Variants in SYNE2 observed in about 807,000 individuals in gnomAD.
SYNE2 encodes the protein nesprin-2.
SYNE2 carries 431 observed loss-of-function variants against 856.3 expected under a neutral mutation model. The ratio of observed to expected loss-of-function variants is 0.50; its 90% CI spans 0.47 to 0.55. The LOEUF (loss-of-function observed/expected upper bound fraction) is 0.55, where lower values mean the gene tolerates loss of function less well. Ranked by LOEUF, SYNE2 falls within the 20% of genes least tolerant of loss-of-function variation. The pLI, the probability that SYNE2 is intolerant of heterozygous loss-of-function variation, is 0.00. For synonymous variants in SYNE2, 2,923 were observed against 2,872.3 expected, an observed-to-expected ratio of 1.02 and a Z score of -0.56; for missense variants, 8,129 against 8,023.2, an observed-to-expected ratio of 1.01 and a Z score of -0.50.
At chr14:64,041,265 G>A (rs529739262) in intron 45 of SYNE2, among the ~76,000 whole-genome samples, 2 of 152,106 alleles carry the variant, frequency 1.3e-5, no homozygotes, top group East Asian at 3.9e-4. Flanking sequence ...GTGATCTTGG[G>A]GCATAGAAGA....
At chr14:63,915,157 A>G (rs2095519543) in intron 2 of SYNE2, among the ~76,000 whole-genome samples, 1 of 152,236 alleles carries the variant, frequency 6.6e-6, no homozygotes, top group African/African-American at 2.4e-5. Flanking sequence ...TGTGCTTAAA[A>G]TAAATTTTTA....
chr14:64,020,210 G>A (rs1282724699), intron 35 of SYNE2, 117 bp downstream of exon 35: 10 of 735,756 alleles, frequency 1.4e-5, no homozygotes, highest in Admixed American at 2.5e-5. Flanking sequence ...AGAAAAAAAC[G>A]GCCCAATTAA....
chr14:64,048,256 TCTTATTTAAC>T, intron 46 of SYNE2, 101 bp downstream of exon 46: 2 of 1,164,202 alleles, frequency 1.7e-6, no homozygotes. Context: ...GAGTGAAAAG[TCTTATTTAAC>T]CTTTGCCTGA....
At chr14:63,827,625 C>CAAAAAA (rs11334415) in intron 1 of SYNE2, among the ~76,000 whole-genome samples, 62 of 28,362 alleles carry the variant, frequency 2.2e-3, no homozygotes, top group East Asian at 4.1e-3. Context: ...AACTCTGTCT[C>CAAAAAA]AAAAAAAAAA....
intron 1 of SYNE2, among the ~76,000 whole-genome samples, chr14:63,803,342 G>A (rs999441641): frequency 8.5e-5 from 13 of 152,208 alleles, no homozygotes; most frequent in Admixed American, 2.0e-4. Flanking sequence ...AGGCTCGGGC[G>A]GCACAGGAGC....
At chr14:63,876,615 G>A (rs1401272716) in intron 1 of SYNE2, among the ~76,000 whole-genome samples, 1 of 151,938 alleles carries the variant, frequency 6.6e-6, no homozygotes, top group Non-Finnish European at 1.5e-5. Flanking sequence ...AGGCTCCCGA[G>A]TAGCTGGGAC....
At chr14:64,220,184 G>A (rs542434459) in intron 110 of SYNE2, among the ~76,000 whole-genome samples, 24 of 152,244 alleles carry the variant, frequency 1.6e-4, no homozygotes, top group East Asian at 1.9e-4. Flanking sequence ...GTTGCAGAGC[G>A]GGGCCTGTAG....
intron 1 of SYNE2, among the ~76,000 whole-genome samples, chr14:63,893,665 A>G (rs2095187755): frequency 6.6e-6 from 1 of 152,244 alleles, no homozygotes. Flanking sequence ...TATATGGCAT[A>G]CACTATGCTA....
At chr14:63,815,680 T>C (rs955919853) in intron 1 of SYNE2, among the ~76,000 whole-genome samples, 1 of 152,098 alleles carries the variant, frequency 6.6e-6, no homozygotes, top group African/African-American at 2.4e-5. Context: ...TGCAAGTTTA[T>C]ATCAAGTGGA....
intron 1 of SYNE2, among the ~76,000 whole-genome samples, chr14:63,764,001 G>A (rs1886585099): frequency 6.6e-6 from 1 of 152,038 alleles, no homozygotes; most frequent in Non-Finnish European, 1.5e-5. Flanking sequence ...ATTTACAACT[G>A]AGTTCTAAAC....
At chr14:64,033,343 A>G (rs776025279) in intron 45 of SYNE2, among the ~76,000 whole-genome samples, 1 of 152,196 alleles carries the variant, frequency 6.6e-6, no homozygotes, top group Admixed American at 6.5e-5. Context: ...AAAACTCAAT[A>G]GAGTATGTTG....
chr14:64,026,086 C>G (rs932401627), intron 41 of SYNE2, among the ~76,000 whole-genome samples: 4 of 152,060 alleles, frequency 2.6e-5, no homozygotes, highest in Non-Finnish European at 4.4e-5. Flanking sequence ...GTTGGTGAGA[C>G]TTAGTAAATA....
At position 64,188,351 on chromosome 14, in the gene SYNE2, T is replaced by C. The variant is rs77009012; in HGVS notation, c.17713-199T>C. Among the ~76,000 whole-genome samples, 729 of 152,352 alleles carry C rather than the reference T, an allele frequency of 4.8e-3. 3 individuals carry two copies. Among genetic ancestry groups the C allele is most frequent in the African/African-American group, 0.016 (680 of 41,574 alleles). ...CATTTCAGGTACAGTATTTATTTTG[T>C]TATTTTTTATGACATTTATCACAGG... On this transcript the variant is annotated intron_variant, in intron 97 of 115. Coordinates refer to ENST00000555002, the MANE Select transcript of SYNE2 (RefSeq NM_182914.3).
intron 108 of SYNE2, among the ~76,000 whole-genome samples, chr14:64,217,696 C>G (rs1290276692): frequency 1.3e-5 from 2 of 152,202 alleles, no homozygotes; most frequent in Admixed American, 1.3e-4. Flanking sequence ...AAATCTCAAC[C>G]CTTTTGTTGT....
In SYNE2 at chr14:64,177,385, A is replaced by G. The variant is rs754428750; in HGVS notation, c.17458A>G (p.Lys5820Glu). Residue 5820 changes from lysine to glutamate, a missense_variant, in exon 96 of 116, where the codon AAG (lysine) becomes GAG (glutamate). This residue lies in a region of SYNE2 where 5,410 missense variants were observed against 5,284.8 expected (regional missense o/e 1.02). Coordinates refer to ENST00000555002, the MANE Select transcript of SYNE2 (RefSeq NM_182914.3). ...ETWDQCEKKIKELKSRLQVLK... is the reference protein window; with the variant it reads ...ETWDQCEKKIEELKSRLQVLK... ...CTGGGACCAGTGTGAAAAGAAAATC[A>G]AGGAGTTGAAAAGCAGGCTGCAAGT... The G allele has an allele frequency of 3.1e-6, 5 of 1,614,190 alleles. No individual in the cohort carries two copies. The highest frequency in any genetic ancestry group is 4.2e-6 in the Non-Finnish European group (5 of 1,180,018).
In SYNE2 at chr14:64,202,731, A is replaced by G. The variant is rs1014090005; in HGVS notation, c.18039-70A>G. 50 of 1,601,668 alleles carry G rather than the reference A, an allele frequency of 3.1e-5. No individual in the cohort carries two copies. The Admixed American group carries it at 8.2e-4, about 26-fold the overall frequency. On this transcript the variant is annotated intron_variant, in intron 99 of 115. Coordinates refer to ENST00000555002, the MANE Select transcript of SYNE2 (RefSeq NM_182914.3). ...TTACTGGCACATTCTTCCACCACTA[A>G]GTATTGGGCTTTTGTTTTCCATCAC...
At chr14:64,091,175 G>A in intron 60 of SYNE2, 127 bp downstream of exon 60, 1 of 866,366 alleles carries the variant, frequency 1.2e-6, no homozygotes, top group Non-Finnish European at 1.9e-6. Context: ...TGATATAAAA[G>A]CATATCTTCA....
At chr14:63,879,306 G>A (rs1298385888) in intron 1 of SYNE2, among the ~76,000 whole-genome samples, 1 of 152,224 alleles carries the variant, frequency 6.6e-6, no homozygotes, top group Non-Finnish European at 1.5e-5. Context: ...AGGAAAAGAA[G>A]ACTTGACCCT....
chr14:63,889,572 C>T (rs186298734), intron 1 of SYNE2, among the ~76,000 whole-genome samples: 1 of 152,206 alleles, frequency 6.6e-6, no homozygotes, highest in African/African-American at 2.4e-5. Context: ...AACTCCTGAG[C>T]TCAAGGGATT....
Sources: gnomAD v4.1 joint callset for allele counts (sites outside exome capture counted in the v4.1 genomes callset) on GRCh38, gnomAD v4.1.1 for gene constraint, gnomAD v4.1.1 regional missense constraint, MANE v1.5 for transcripts, NCBI Gene and HGNC (gene_info 2026-07-23, HGNC 2026-07-21) for gene names.